Variants in KIF13A observed in about 807,000 individuals in gnomAD.
KIF13A encodes kinesin-like protein KIF13A.
A neutral mutation model predicts 212.2 loss-of-function variants in KIF13A; 79 were observed. That is an observed-to-expected ratio of 0.37 (90% CI 0.31 to 0.45). KIF13A has a LOEUF of 0.45. Ranked by LOEUF, KIF13A falls within the 20% of genes least tolerant of loss-of-function variation. The probability of loss-of-function intolerance (pLI) is 1.00; values close to 1 mark genes in which losing one functional copy is unlikely to be tolerated. For synonymous variants in KIF13A, 789 were observed against 808.6 expected, an observed-to-expected ratio of 0.98 and a Z score of 0.41; for missense variants, 1,901 against 2,209.0, an observed-to-expected ratio of 0.86 and a Z score of 2.79.
chr6:17,913,012 C>T (rs1774205206), intron 2 of KIF13A, among the ~76,000 whole-genome samples: 1 of 151,412 alleles, frequency 6.6e-6, no homozygotes. Context: ...GTCTTGAACT[C>T]CTGGGTTCAA....
intron 2 of KIF13A, among the ~76,000 whole-genome samples, chr6:17,940,833 T>TAC (rs1561785309): frequency 6.6e-6 from 1 of 150,748 alleles, no homozygotes; most frequent in Non-Finnish European, 1.5e-5. Flanking sequence ...TTTTTTTTTT[T>TAC]TTTTTTTTTT....
chr6:17,785,693 C>T lies in KIF13A; in HGVS notation c.3362-52G>A. On this transcript the variant is annotated intron_variant, in intron 27 of 38. Transcript: ENST00000259711. This position sits in a 1 kb window ranked among gnomAD's most constrained non-coding sequence, Gnocchi z 5.8. Reference sequence around the variant, plus strand: ...GCCAACAAGAGAGAAAGTATGACTTCTCAGTTTACAAGGAATAGATTTCAG... The same window carrying T: ...GCCAACAAGAGAGAAAGTATGACTTTTCAGTTTACAAGGAATAGATTTCAG... 1.3e-6 allele frequency: 2 copies of T among 1,566,732 alleles called. No homozygotes were observed. The highest frequency in any genetic ancestry group is 2.3e-5 in the East Asian group (1 of 42,816).
At chr6:17,882,665 G>C (rs1016219610) in intron 3 of KIF13A, among the ~76,000 whole-genome samples, 1 of 151,762 alleles carries the variant, frequency 6.6e-6, no homozygotes, top group Non-Finnish European at 1.5e-5. Flanking sequence ...AGGTTCGAGC[G>C]ATTCCCTTGC....
At chr6:17,822,946 C>G (rs553330570) in intron 16 of KIF13A, among the ~76,000 whole-genome samples, 1 of 152,286 alleles carries the variant, frequency 6.6e-6, no homozygotes, top group East Asian at 1.9e-4. Context: ...AGTGGCTAAT[C>G]TTAACACTCT....
chr6:17,910,559 A>T (rs1773947894), intron 2 of KIF13A, among the ~76,000 whole-genome samples: 1 of 149,898 alleles, frequency 6.7e-6, no homozygotes, highest in Admixed American at 6.6e-5. Flanking sequence ...AATGAATAGT[A>T]AGACAATTTT....
At position 17,967,253 on chromosome 6, in the gene KIF13A, G is replaced by C. The variant is rs1779409514; in HGVS notation, c.146+19801C>G. ...CGCCTCAAGGCAATATGCAATTGCT[G>C]TGTTTTCATAATCTTAAAAACTCAG... On this transcript the variant is annotated intron_variant, in intron 2 of 38. Coordinates refer to ENST00000259711, the MANE Select transcript of KIF13A (RefSeq NM_022113.6). This position sits in a 1 kb window ranked among gnomAD's most constrained non-coding sequence, Gnocchi z 4.1. 6.6e-6 allele frequency among the ~76,000 whole-genome samples: 1 copy of C among 152,158 alleles called. No individual in the cohort carries two copies.
intron 2 of KIF13A, among the ~76,000 whole-genome samples, chr6:17,928,939 TA>T (rs1229253720): frequency 6.6e-6 from 1 of 151,072 alleles, no homozygotes; most frequent in Non-Finnish European, 1.5e-5. Flanking sequence ...GAATTTAATG[TA>T]AGATCATAGA....
At chr6:17,857,561 T>G (rs1466104357) in intron 4 of KIF13A, among the ~76,000 whole-genome samples, 4 of 152,318 alleles carry the variant, frequency 2.6e-5, no homozygotes, top group African/African-American at 9.6e-5. Context: ...TCTTTACAAA[T>G]TAGCCTGCCT....
intron 20 of KIF13A, among the ~76,000 whole-genome samples, chr6:17,801,973 G>T (rs946797028): frequency 4.6e-5 from 7 of 152,160 alleles, no homozygotes; most frequent in African/African-American, 1.7e-4. Flanking sequence ...TAGAGGAAAA[G>T]GATTATTCTA....
At position 17,816,200 on chromosome 6, in the gene KIF13A, G is replaced by A. The variant is rs1389667991; in HGVS notation, c.2000+820C>T. Among the ~76,000 whole-genome samples the A allele has an allele frequency of 6.6e-6, 1 of 151,396 alleles. No individual in the cohort carries two copies. The highest frequency in any genetic ancestry group is 1.5e-5 in the Non-Finnish European group (1 of 67,864). ...CCCAAAGTGCTGGGATTACAGGCCT[G>A]AGCCACCGCACCTGGCCTGAGTCAG... On this transcript the variant is annotated intron_variant, in intron 17 of 38. Transcript: ENST00000259711. The surrounding 1 kb of genome is among the most constrained non-coding windows in gnomAD (Gnocchi z 4.3).
intron 32 of KIF13A, 100 bp from the exon 33 acceptor site, chr6:17,779,199 T>C (rs1182049962): frequency 2.5e-6 from 2 of 788,196 alleles, no homozygotes; most frequent in African/African-American, 3.5e-5. Flanking sequence ...AATGAACACA[T>C]TCTCCATTAT....
Position 17,773,657 on chromosome 6 carries a change from CTTCTGTTTTTTT to C in KIF13A, c.4219-86_4219-75del. On this transcript the variant is annotated intron_variant, in intron 35 of 38. Coordinates refer to ENST00000259711, the MANE Select transcript of KIF13A (RefSeq NM_022113.6). This position sits in a 1 kb window ranked among gnomAD's most constrained non-coding sequence, Gnocchi z 4.2. ...AGAAATAAAGCCCAGGTTGGAGTTTCTTCTGTTTTTTTTTAATGGCAGCATATGCTCTTCTTT... is the reference window on the plus strand; with the variant it reads ...AGAAATAAAGCCCAGGTTGGAGTTTCTTAATGGCAGCATATGCTCTTCTTT... The C allele has an allele frequency of 5.1e-6, 4 of 781,928 alleles. No homozygotes were observed. Among genetic ancestry groups the C allele is most frequent in the Non-Finnish European group, 8.2e-6 (4 of 487,458 alleles). 48.4% of individuals were successfully genotyped at this position (781,928 alleles called of 1,614,324 possible). A position where few individuals can be genotyped will look rare whatever the true frequency, so the allele number is the denominator to read the frequency against.
intron 3 of KIF13A, among the ~76,000 whole-genome samples, chr6:17,878,957 A>C (rs1047349097): frequency 6.6e-6 from 1 of 152,196 alleles, no homozygotes; most frequent in Non-Finnish European, 1.5e-5. Flanking sequence ...GATCACAGGC[A>C]TTTTAGAATG....
chr6:17,771,991 T>G lies in KIF13A; in HGVS notation c.4393A>C (p.Lys1465Gln). The G allele has an allele frequency of 2.5e-6, 4 of 1,613,916 alleles. No homozygotes were observed. Among genetic ancestry groups the G allele is most frequent in the Non-Finnish European group, 3.4e-6 (4 of 1,179,850 alleles). ...ACAGGCATTAGGGGCTTGAAAAACT[T>G]TGGTGGCTGAGGAGAGAATGCTTTA... is the stretch of plus-strand genomic sequence containing the variant. ...PFKAFSPQPP[K>Q]FFKPLMPVKE... The change falls in exon 37 of 39, where the codon AAG becomes CAG. Residue 1465 changes from lysine to glutamine, a missense_variant. Transcript: ENST00000259711. This position sits in a 1 kb window ranked among gnomAD's most constrained non-coding sequence, Gnocchi z 5.4.
chr6:17,828,286 T>C lies in KIF13A; in HGVS notation c.1486A>G (p.Ile496Val), dbSNP rs1420834303. 1.2e-6 allele frequency: 2 copies of C among 1,610,512 alleles called. No homozygotes were observed. Among genetic ancestry groups the C allele is most frequent in the Non-Finnish European group, 1.7e-6 (2 of 1,178,182 alleles). ...GIQPQHCEID[I>V]ASDGDVTLTP... ...AGAGTGACGTCTCCATCAGATGCAA[T>C]GTCAATCTCACAGTGCTGAGGCTGA... The change falls in exon 14 of 39, where the codon ATT becomes GTT. Residue 496 changes from isoleucine to valine, a missense_variant. Coordinates refer to ENST00000259711, the MANE Select transcript of KIF13A (RefSeq NM_022113.6). This position sits in a 1 kb window ranked among gnomAD's most constrained non-coding sequence, Gnocchi z 4.3.
At position 17,911,362 on chromosome 6, in the gene KIF13A, C is replaced by A. The variant is rs560463991; in HGVS notation, c.147-13182G>T. On this transcript the variant is annotated intron_variant, in intron 2 of 38. Coordinates refer to ENST00000259711, the MANE Select transcript of KIF13A (RefSeq NM_022113.6). ...GCAAATAATTTGTATTCAAACAATT[C>A]TTGTTAGAGGACTCAGTCAACCTAT... Among the ~76,000 whole-genome samples the A allele has an allele frequency of 2.6e-5, 4 of 152,308 alleles. No homozygotes were observed. The East Asian group carries it at 7.7e-4, about 29-fold the overall frequency.
At chr6:17,841,433 C>T (rs562163071) in intron 9 of KIF13A, among the ~76,000 whole-genome samples, 1 of 152,302 alleles carries the variant, frequency 6.6e-6, no homozygotes, top group East Asian at 1.9e-4. Context: ...AAGCAAGATG[C>T]ATATGCTAAT....
chr6:17,978,601 C>T (rs75966329), intron 2 of KIF13A, among the ~76,000 whole-genome samples: 1,668 of 152,262 alleles, frequency 0.011, 23 homozygotes, highest in African/African-American at 0.038. Flanking sequence ...AGGTAATATT[C>T]AGAAAATTTC....
intron 31 of KIF13A, 56 bp from the exon 32 acceptor site, chr6:17,779,740 GTATTTT>G: frequency 3.8e-5 from 18 of 478,822 alleles, no homozygotes; most frequent in South Asian, 1.0e-4. Context: ...AAGTTATTTT[GTATTTT>G]TTTTTTTTTT....
Sources: allele counts gnomAD v4.1 joint callset (sites outside exome capture counted in the v4.1 genomes callset), GRCh38; gene constraint gnomAD v4.1.1; non-coding constraint Gnocchi (gnomAD v3.1); transcripts MANE v1.5; gene names NCBI Gene and HGNC (gene_info 2026-07-23, HGNC 2026-07-21).